Variants in DTNA observed in about 807,000 individuals in gnomAD.
DTNA encodes the protein dystrobrevin alpha.
DTNA carries 43 observed loss-of-function variants against 100.7 expected under a neutral mutation model. That is an observed-to-expected ratio of 0.43 (90% CI 0.33 to 0.55). The LOEUF (loss-of-function observed/expected upper bound fraction) is 0.55, where lower values mean the gene tolerates loss of function less well. Ranked by LOEUF, DTNA falls within the 20% of genes least tolerant of loss-of-function variation. The pLI is 0.04. For synonymous variants in DTNA, 349 were observed against 347.9 expected (o/e 1.00, Z -0.04); for missense variants, 798 against 953.9 (o/e 0.84, Z 2.15).
chr18:34,836,208 A>T (rs1310944383), intron 11 of DTNA, among the ~76,000 whole-genome samples: 1 of 152,214 alleles, frequency 6.6e-6, no homozygotes, highest in African/African-American at 2.4e-5. Context: ...GTATAATGGT[A>T]CATCAGAAAA....
Position 34,542,490 on chromosome 18 carries a change from G to A in DTNA, c.-2+48976G>A, listed in dbSNP as rs17666920. On this transcript the variant is annotated intron_variant, in intron 1 of 19. Transcript: ENST00000283365. ...TTTGGTTTTATGTCTACTCATTAAT[G>A]ACTACATAGTAACCCACTTCTGACA... 9.2e-3 allele frequency among the ~76,000 whole-genome samples: 1,404 copies of A among 152,020 alleles called. 57 individuals are homozygous for A. The highest frequency in any genetic ancestry group is 0.077 in the Admixed American group (1,170 of 15,276).
At chr18:34,600,123 A>T (rs1400339445) in intron 1 of DTNA, among the ~76,000 whole-genome samples, 1 of 152,208 alleles carries the variant, frequency 6.6e-6, no homozygotes, top group Non-Finnish European at 1.5e-5. Context: ...TGAGATTCTT[A>T]AAAAATCTCT....
chr18:34,580,984 G>A (rs938018496), intron 1 of DTNA, among the ~76,000 whole-genome samples: 1 of 152,258 alleles, frequency 6.6e-6, no homozygotes, highest in South Asian at 2.1e-4. Context: ...GGTGGCTCAC[G>A]CCTGTAATCC....
intron 1 of DTNA, among the ~76,000 whole-genome samples, chr18:34,719,012 A>G (rs1281763267): frequency 6.6e-6 from 1 of 152,080 alleles, no homozygotes; most frequent in Non-Finnish European, 1.5e-5. Context: ...GAACAGTCAT[A>G]GAACATGGAA....
Position 34,851,849 on chromosome 18 carries a change from A to C in DTNA, c.1453A>C (p.Ser485Arg). Residue 485 changes from serine (S) to arginine (R), a missense_variant, in exon 15 of 23, where the codon AGT becomes CGT. Physicochemically the swap from Ser to Arg is moderately radical, Grantham distance 110. Coordinates refer to ENST00000444659, the MANE Select transcript of DTNA (RefSeq NM_001386795.1). ...TTTACAGCAGCCACCTCAGCAGAGA[A>C]GTGCTCCTGACATCTCTTTCACCAT... ...SSSSQPPQQR[S>R]APDISFTIDA... The C allele has an allele frequency of 6.2e-7, 1 of 1,614,056 alleles. No homozygotes were observed. The highest frequency in any genetic ancestry group is 8.5e-7 in the Non-Finnish European group (1 of 1,179,912).
chr18:34,825,175 G>A (rs1275813708), intron 9 of DTNA: 18 of 1,540,918 alleles, frequency 1.2e-5, no homozygotes, highest in Non-Finnish European at 1.5e-5. Flanking sequence ...TGACATTTTG[G>A]TATTTTGACA....
At position 34,811,940 on chromosome 18, in the gene DTNA, T is replaced by G. The variant is rs1469662484; in HGVS notation, c.449-19T>G. On this transcript the variant is annotated intron_variant, in intron 5 of 22. Transcript: ENST00000444659. ...AATGTTCATGTGATGAATAATATCT[T>G]TCCTTTTCCTTTCATCAGATATTTT... 3.7e-6 allele frequency: 6 copies of G among 1,613,642 alleles called. No homozygotes were observed. In the African/African-American group the frequency reaches 5.3e-5, roughly 14 times the overall value.
intron 1 of DTNA, among the ~76,000 whole-genome samples, chr18:34,669,434 T>G (rs891745670): frequency 6.6e-6 from 1 of 152,218 alleles, no homozygotes; most frequent in African/African-American, 2.4e-5. Flanking sequence ...ACATTTAAGG[T>G]TAATACTGTT....
intron 6 of DTNA, 86 bp downstream of exon 6, chr18:34,812,199 A>C: frequency 1.3e-6 from 2 of 1,581,570 alleles, no homozygotes; most frequent in Non-Finnish European, 1.7e-6. Flanking sequence ...ACAGATACTC[A>C]GACAAATTAT....
intron 1 of DTNA, among the ~76,000 whole-genome samples, chr18:34,620,061 C>T (rs570341451): frequency 2.6e-5 from 4 of 152,182 alleles, no homozygotes; most frequent in South Asian, 2.1e-4. Context: ...TGGTATTATA[C>T]GAAACAAACA....
intron 2 of DTNA, 100 bp from the exon 3 acceptor site, chr18:34,765,861 T>C (rs550854080): frequency 9.1e-6 from 10 of 1,104,472 alleles, no homozygotes; most frequent in African/African-American, 1.6e-5. Context: ...AAAATAAAAT[T>C]AGGGGTAAGG....
At chr18:34,678,199 G>T (rs1419800484) in intron 1 of DTNA, among the ~76,000 whole-genome samples, 2 of 152,110 alleles carry the variant, frequency 1.3e-5, no homozygotes, top group Non-Finnish European at 1.5e-5. Flanking sequence ...CGGGGACACA[G>T]CAAACCCGTA....
intron 4 of DTNA, among the ~76,000 whole-genome samples, chr18:34,803,635 C>T (rs2095283546): frequency 6.6e-6 from 1 of 152,118 alleles, no homozygotes; most frequent in Non-Finnish European, 1.5e-5. Context: ...ATCTTCCATA[C>T]CTTGTAGACT....
chr18:34,706,468 C>T (rs1459364477), upstream of DTNA, among the ~76,000 whole-genome samples: 2 of 151,746 alleles, frequency 1.3e-5, no homozygotes, highest in Non-Finnish European at 2.9e-5. Flanking sequence ...AGAATACATT[C>T]AGAATATAAG....
chr18:34,773,880 A>T (rs984418969), intron 3 of DTNA, among the ~76,000 whole-genome samples: 27 of 152,124 alleles, frequency 1.8e-4, no homozygotes, highest in African/African-American at 5.1e-4. Context: ...GGTTTTTAAG[A>T]TCTTAAAAAT....
At chr18:34,654,176 A>G (rs2074022954) in intron 1 of DTNA, among the ~76,000 whole-genome samples, 1 of 152,200 alleles carries the variant, frequency 6.6e-6, no homozygotes, top group Non-Finnish European at 1.5e-5. Context: ...TTCCAGCTGG[A>G]TTAGTGACAT....
intron 1 of DTNA, among the ~76,000 whole-genome samples, chr18:34,632,052 G>A (rs957772360): frequency 6.6e-6 from 1 of 151,900 alleles, no homozygotes; most frequent in Admixed American, 6.6e-5. Context: ...TATGCTTTTA[G>A]TTAAAGAAAA....
Position 34,818,146 on chromosome 18 carries a change from C to T in DTNA, c.710-18C>T. ...TACTTTTGTTTTCTTGGTTTTTCTT[C>T]ACTTACTTCCCCCTTAGTCTTCCAT... On this transcript the variant is annotated intron_variant, in intron 7 of 22. Transcript: ENST00000444659. The T allele has an allele frequency of 6.2e-7, 1 of 1,613,888 alleles. No homozygotes were observed. The highest frequency in any genetic ancestry group is 8.5e-7 in the Non-Finnish European group (1 of 1,179,840).
intron 1 of DTNA, among the ~76,000 whole-genome samples, chr18:34,564,449 A>G (rs2046915287): frequency 6.6e-6 from 1 of 152,048 alleles, no homozygotes; most frequent in Non-Finnish European, 1.5e-5. Context: ...TGGCCCCCAC[A>G]CTTTTGAAGG....
Sources: gnomAD v4.1 joint callset for allele counts (sites outside exome capture counted in the v4.1 genomes callset) on GRCh38, gnomAD v4.1.1 for gene constraint, MANE v1.5 for transcripts, NCBI Gene and HGNC (gene_info 2026-07-23, HGNC 2026-07-21) for gene names.